RASGRF1: variants seen among roughly 807,000 people sequenced by gnomAD.
RASGRF1 encodes Ras protein specific guanine nucleotide releasing factor 1.
In RASGRF1, 40 loss-of-function variants were observed where a neutral mutation model predicts 138.7. The ratio of observed to expected loss-of-function variants is 0.29; its 90% CI spans 0.22 to 0.38. The LOEUF is 0.38. RASGRF1 is among the 10% of genes least tolerant of loss of function. The pLI, the probability that RASGRF1 is intolerant of heterozygous loss-of-function variation, is 1.00. For missense variants in RASGRF1, 1,108 were observed against 1,650.4 expected (o/e 0.67, Z 5.69); for synonymous variants, 614 against 663.2 (o/e 0.93, Z 1.14).
chr15:78,978,015 G>A (rs2141613109), intron 24 of RASGRF1, among the ~76,000 whole-genome samples: 1 of 152,194 alleles, frequency 6.6e-6, no homozygotes, highest in South Asian at 2.1e-4. Flanking sequence ...AAGGGGAGAT[G>A]AGGCCACTCT....
intron 5 of RASGRF1, among the ~76,000 whole-genome samples, chr15:79,045,939 T>A (rs990333656): frequency 6.6e-6 from 1 of 152,264 alleles, no homozygotes; most frequent in Non-Finnish European, 1.5e-5. Flanking sequence ...TTACTTGAAT[T>A]CTTAGATGAC....
intron 10 of RASGRF1, among the ~76,000 whole-genome samples, chr15:79,022,396 C>A (rs571921339): frequency 6.6e-6 from 1 of 152,000 alleles, no homozygotes; most frequent in Non-Finnish European, 1.5e-5. Flanking sequence ...GCCGAGATTG[C>A]GCCATTACAC....
chr15:79,015,320 C>T lies in RASGRF1; in HGVS notation c.1826+7G>A, dbSNP rs778717633. ...TGCCTGGTCAAGATGGGGTTAAGGG[C>T]ACTTACTTGATCATCTGCGGCACAG... On this transcript the variant is annotated splice_region_variant and intron_variant, in intron 13 of 26. Transcript: ENST00000558480. The T allele has an allele frequency of 6.2e-7, 1 of 1,610,484 alleles. No homozygotes were observed.
chr15:79,061,885 T>G (rs975299649), intron 2 of RASGRF1, among the ~76,000 whole-genome samples: 7 of 152,210 alleles, frequency 4.6e-5, no homozygotes, highest in Non-Finnish European at 1.0e-4. Context: ...TGAGACTTCT[T>G]ATGGACATCT....
chr15:79,057,192 T>C (rs967362257), intron 3 of RASGRF1, among the ~76,000 whole-genome samples: 1 of 150,952 alleles, frequency 6.6e-6, no homozygotes, highest in African/African-American at 2.5e-5. Flanking sequence ...GTGCGCCCCA[T>C]GGTGTCGCAG....
chr15:79,088,057 G>A (rs922127426), intron 1 of RASGRF1, among the ~76,000 whole-genome samples: 9 of 152,146 alleles, frequency 5.9e-5, no homozygotes, highest in African/African-American at 1.9e-4. Context: ...CTACTGCTAG[G>A]ATGATTCAAT....
At chr15:79,039,343 T>G (rs1293258491) in intron 5 of RASGRF1, among the ~76,000 whole-genome samples, 4 of 151,298 alleles carry the variant, frequency 2.6e-5, no homozygotes, top group Non-Finnish European at 5.9e-5. Flanking sequence ...AATATATGCT[T>G]AAGTCTCTTT....
chr15:79,086,315 G>A (rs2057978985), intron 1 of RASGRF1, among the ~76,000 whole-genome samples: 1 of 152,228 alleles, frequency 6.6e-6, no homozygotes, highest in Admixed American at 6.5e-5. Flanking sequence ...CAAGGAGGGT[G>A]TGCTTTGTGG....
At chr15:78,977,915 C>T (rs1354174552) in intron 24 of RASGRF1, among the ~76,000 whole-genome samples, 1 of 152,174 alleles carries the variant, frequency 6.6e-6, no homozygotes, top group East Asian at 1.9e-4. Context: ...ATTCTTGTTG[C>T]CTGGAGCTGG....
rs888338690 is a variant in RASGRF1 at position 78,960,242 on chromosome 15, C to T, written c.*1902G>A. The T allele has an allele frequency of 6.6e-6, 1 of 152,610 alleles. No individual in the cohort carries two copies. The allele number at this position is 152,610 out of a possible 1,614,324, so 9.5% of individuals were successfully genotyped here. A position where few individuals can be genotyped will look rare whatever the true frequency, so the allele number is the denominator to read the frequency against. On this transcript the variant is annotated 3_prime_UTR_variant, in exon 27 of 27. Transcript: ENST00000558480. ...GTTATGGAGCCAGCTGGCTGCAGGT[C>T]CCAGGGGAGGCGGCCTTGGGAGCTC...
intron 8 of RASGRF1, among the ~76,000 whole-genome samples, chr15:79,028,862 A>G (rs1057247156): frequency 6.6e-6 from 1 of 152,242 alleles, no homozygotes; most frequent in Admixed American, 6.5e-5. Context: ...CAAAGATGAC[A>G]CTGCCTCTTC....
intron 13 of RASGRF1, among the ~76,000 whole-genome samples, chr15:79,007,750 AC>A (rs2056713246): frequency 6.6e-6 from 1 of 150,714 alleles, no homozygotes; most frequent in South Asian, 2.1e-4. Context: ...ACACGGTTTC[AC>A]CATGTTGCCC....
chr15:78,961,964 CGAA>C lies in RASGRF1; in HGVS notation c.*177_*179del, dbSNP rs1025741898. The C allele has an allele frequency of 1.8e-6, 1 of 570,748 alleles. No homozygotes were observed. Among genetic ancestry groups the C allele is most frequent in the Non-Finnish European group, 3.1e-6 (1 of 320,392 alleles). The allele number at this position is 570,748 out of a possible 1,614,324, so 35.4% of individuals were successfully genotyped here. On this transcript the variant is annotated 3_prime_UTR_variant, in exon 27 of 27. Coordinates refer to ENST00000558480, the MANE Select transcript of RASGRF1 (RefSeq NM_001145648.3). ...GGAGACGAGGGGAGGGATGGGTGGG[CGAA>C]GTCTGAAACGGTGCAGAAATTCATA...
At chr15:78,978,335 G>C in intron 24 of RASGRF1, 1 of 195,874 alleles carries the variant, frequency 5.1e-6, no homozygotes, top group Non-Finnish European at 8.9e-6. Flanking sequence ...AGCGATTCTC[G>C]TGCTTCAGCC....
intron 5 of RASGRF1, among the ~76,000 whole-genome samples, chr15:79,035,501 G>C (rs951945568): frequency 4.6e-5 from 7 of 152,234 alleles, no homozygotes; most frequent in African/African-American, 1.7e-4. Flanking sequence ...TCCACGGGCC[G>C]GCAGAGGGCA....
intron 20 of RASGRF1, among the ~76,000 whole-genome samples, chr15:78,994,787 G>C (rs1344693523): frequency 6.6e-6 from 1 of 152,138 alleles, no homozygotes; most frequent in Non-Finnish European, 1.5e-5. Context: ...CCAACTTCTG[G>C]GGATGAGGCA....
chr15:79,035,079 G>A (rs2057199225), intron 6 of RASGRF1, 52 bp downstream of exon 6: 1 of 1,477,270 alleles, frequency 6.8e-7, no homozygotes, highest in African/African-American at 1.4e-5. Flanking sequence ...CTTTTGGGGT[G>A]GCCCCTGGAG....
chr15:78,979,093 C>A, intron 24 of RASGRF1: 1 of 1,289,976 alleles, frequency 7.8e-7, no homozygotes, highest in Non-Finnish European at 1.0e-6. Context: ...GACGGACGGA[C>A]AAGTTGGTGA....
intron 5 of RASGRF1, among the ~76,000 whole-genome samples, chr15:79,043,954 T>G (rs750177734): frequency 6.6e-6 from 1 of 152,230 alleles, no homozygotes. Context: ...TGCCTCTGGG[T>G]CCACCAGCCT....
Sources: allele counts gnomAD v4.1 joint callset (sites outside exome capture counted in the v4.1 genomes callset), GRCh38; gene constraint gnomAD v4.1.1; transcripts MANE v1.5; gene names NCBI Gene and HGNC (gene_info 2026-07-23, HGNC 2026-07-21).